NRK: variants seen among roughly 807,000 people sequenced by gnomAD.
NRK encodes the protein Nik related kinase.
A neutral mutation model predicts 125.2 loss-of-function variants in NRK; 67 were observed. The ratio of observed to expected loss-of-function variants is 0.54; its 90% CI spans 0.44 to 0.66. The LOEUF is 0.66. Ranked by LOEUF, NRK falls within the 30% of genes least tolerant of loss-of-function variation. The probability of loss-of-function intolerance (pLI) is 0.00; values close to 1 mark genes in which losing one functional copy is unlikely to be tolerated. For synonymous variants in NRK, 458 were observed against 429.0 expected (o/e 1.07, Z -0.84); for missense variants, 1,224 against 1,192.9 (o/e 1.03, Z -0.38).
In NRK at chrX:105,893,745, T is replaced by C; in HGVS notation, c.379-87T>C. 4 of 549,361 alleles carry C rather than the reference T, an allele frequency of 7.3e-6. No individual in the cohort carries two copies. In the South Asian group the frequency reaches 1.2e-4, roughly 16 times the overall value. 45.3% of individuals were successfully genotyped at this position (549,361 alleles called of 1,213,427 possible). ...TGCCTTAATCTCTAAACATTACATA[T>C]AGATACAAGCCATATGGACTAAAAC... is the stretch of plus-strand genomic sequence containing the variant. On this transcript the variant is annotated intron_variant, in intron 5 of 28. Coordinates refer to ENST00000243300, the MANE Select transcript of NRK (RefSeq NM_198465.4).
chrX:105,855,162 G>A (rs2039516751), intron 2 of NRK, among the ~76,000 whole-genome samples: 1 of 111,463 alleles, frequency 9.0e-6, no homozygotes, highest in Non-Finnish European at 1.9e-5. Context: ...GGGGAAGAGA[G>A]GGAAAGGGCC....
At position 105,892,156 on chromosome X, in the gene NRK, A is replaced by G. The variant is rs755448680; in HGVS notation, c.379-1676A>G. Among the ~76,000 whole-genome samples the G allele has an allele frequency of 5.4e-4, 60 of 111,864 alleles. 1 individual carries two copies. The highest frequency in any genetic ancestry group is 1.8e-3 in the African/African-American group (56 of 30,828). On this transcript the variant is annotated intron_variant, in intron 5 of 28. Coordinates refer to ENST00000243300, the MANE Select transcript of NRK (RefSeq NM_198465.4). ...TGCTCCTGACCCAGTGGTGCTTACA[A>G]TCTATTTGCAAAGACCAGCGTCAAT...
chrX:105,941,818 G>A (rs2040746718), intron 23 of NRK, among the ~76,000 whole-genome samples: 1 of 110,807 alleles, frequency 9.0e-6, no homozygotes, highest in African/African-American at 3.3e-5. Flanking sequence ...TGGGTTTTAG[G>A]AGGTCTATAG....
intron 19 of NRK, among the ~76,000 whole-genome samples, chrX:105,930,469 T>C (rs2040580566): frequency 9.0e-6 from 1 of 111,129 alleles, no homozygotes; most frequent in South Asian, 3.8e-4. Context: ...ATTCAGATCA[T>C]GATTTTTTAA....
intron 13 of NRK, among the ~76,000 whole-genome samples, chrX:105,910,166 T>G (rs1250834113): frequency 8.9e-6 from 1 of 112,153 alleles, no homozygotes; most frequent in Non-Finnish European, 1.9e-5. Flanking sequence ...GAATGCACAT[T>G]AAAAATTACT....
intron 14 of NRK, among the ~76,000 whole-genome samples, chrX:105,915,451 C>T (rs1411555896): frequency 9.0e-6 from 1 of 110,842 alleles, no homozygotes; most frequent in Non-Finnish European, 1.9e-5. Context: ...GTCATTTTCC[C>T]TCTTTAGGCT....
At chrX:105,828,442 G>A (rs1260717870) in intron 1 of NRK, among the ~76,000 whole-genome samples, 1 of 111,364 alleles carries the variant, frequency 9.0e-6, no homozygotes, top group Non-Finnish European at 1.9e-5. Flanking sequence ...AAGTATTTAT[G>A]TTATTGAGGA....
intron 6 of NRK, 61 bp from the exon 7 acceptor site, chrX:105,895,372 A>C: frequency 1.2e-6 from 1 of 864,311 alleles, no homozygotes; most frequent in Non-Finnish European, 1.7e-6. Flanking sequence ...CCAGAAAGAA[A>C]GAAAGAAAGA....
chrX:105,951,379 A>G (rs984787710), intron 27 of NRK, among the ~76,000 whole-genome samples: 1 of 111,259 alleles, frequency 9.0e-6, no homozygotes, highest in Non-Finnish European at 1.9e-5. Flanking sequence ...ACCTAAAACA[A>G]AAAAAAGCTA....
chrX:105,905,592 T>C (rs1419876292), intron 10 of NRK, among the ~76,000 whole-genome samples: 4 of 112,896 alleles, frequency 3.5e-5, no homozygotes, highest in African/African-American at 6.4e-5. Context: ...ATGGGCATGT[T>C]CAGTTGTTTC....
intron 2 of NRK, among the ~76,000 whole-genome samples, chrX:105,878,000 C>A (rs1470529205): frequency 9.0e-6 from 1 of 110,618 alleles, no homozygotes; most frequent in Admixed American, 9.7e-5. Context: ...TTTTTGATAA[C>A]CTGATAAATA....
Position 105,822,619 on chromosome X carries a change from G to A in NRK, c.-227G>A, listed in dbSNP as rs974331984. The A allele has an allele frequency of 3.3e-5, 15 of 450,373 alleles. No individual in the cohort carries two copies. The highest frequency in any genetic ancestry group is 4.7e-5 in the Non-Finnish European group (12 of 253,735). The allele number at this position is 450,373 out of a possible 1,213,427, so 37.1% of individuals were successfully genotyped here. A position where few individuals can be genotyped will look rare whatever the true frequency, so the allele number is the denominator to read the frequency against. On this transcript the variant is annotated 5_prime_UTR_variant, in exon 1 of 29. Transcript: ENST00000243300. Reference sequence around the variant, plus strand: ...ACGCTCAGGCTCCTCTCTCGCCTTAGCCCAACTTGCTTTCCCGCCTCGCAA... The same window carrying A: ...ACGCTCAGGCTCCTCTCTCGCCTTAACCCAACTTGCTTTCCCGCCTCGCAA...
chrX:105,935,913 T>G (rs1448957833), intron 21 of NRK, among the ~76,000 whole-genome samples: 1 of 109,663 alleles, frequency 9.1e-6, no homozygotes, highest in Non-Finnish European at 1.9e-5. Context: ...TGTGATACTT[T>G]ATGAGGTATT....
chrX:105,946,529 C>G, intron 26 of NRK, 65 bp downstream of exon 26: 1 of 814,162 alleles, frequency 1.2e-6, no homozygotes, highest in Non-Finnish European at 1.8e-6. Context: ...TTCCAACTGT[C>G]AAAACTCTGA....
At chrX:105,934,181 A>G (rs2040631094) in intron 19 of NRK, 77 bp from the exon 20 acceptor site, 2 of 568,584 alleles carry the variant, frequency 3.5e-6, no homozygotes, top group Non-Finnish European at 2.7e-6. Flanking sequence ...TGTTTTTCAA[A>G]CGACCCCTCA....
chrX:105,877,440 T>C (rs2039829126), intron 2 of NRK, among the ~76,000 whole-genome samples: 1 of 111,540 alleles, frequency 9.0e-6, no homozygotes, highest in African/African-American at 3.2e-5. Context: ...AATTTCTTCA[T>C]TTTGACAATT....
Position 105,923,413 on chromosome X carries a change from A to G in NRK, c.2906A>G (p.His969Arg). Residue 969 changes from histidine to arginine, a missense_variant, in exon 18 of 29, where the codon CAT becomes CGT. Coordinates refer to ENST00000243300, the MANE Select transcript of NRK (RefSeq NM_198465.4). ...CAGGCTAATGATGTTTGTAAAGACC[A>G]TGATGATGACAACAATAAGTTTGTT... ...VDQANDVCKD[H>R]DDDNNKFVDD... is the part of the protein sequence containing the mutation. 8.7e-7 allele frequency: 1 copy of G among 1,144,384 alleles called. No individual in the cohort carries two copies. The highest frequency in any genetic ancestry group is 1.2e-6 in the Non-Finnish European group (1 of 852,578). The allele number at this position is 1,144,384 out of a possible 1,213,427, so 94.3% of individuals were successfully genotyped here.
At chrX:105,848,509 C>A (rs1468558785) in intron 2 of NRK, among the ~76,000 whole-genome samples, 1 of 111,808 alleles carries the variant, frequency 8.9e-6, no homozygotes, top group East Asian at 2.8e-4. Context: ...TAATATTTTT[C>A]AAATCAGAAA....
rs1489081382 is a variant in NRK at position 105,934,288 on chromosome X, G to A, written c.3343G>A (p.Ala1115Thr). The A allele has an allele frequency of 1.7e-6, 2 of 1,177,593 alleles. No homozygotes were observed. Among genetic ancestry groups the A allele is most frequent in the Middle Eastern group, 2.3e-4 (1 of 4,263 alleles). ...AGGTGGTGGAAATGAGGCCTCAAAT[G>A]CCATTGACTCAGGTGCTGCACCGTC... ...EPGGGNEASN[A>T]IDSGAAPSAP... Residue 1115 changes from alanine to threonine, a missense_variant, in exon 20 of 29, where the codon GCC becomes ACC. Ala to Thr is a moderately conservative substitution (Grantham distance 58). Transcript: ENST00000243300.
Sources: gnomAD v4.1 joint callset for allele counts (sites outside exome capture counted in the v4.1 genomes callset) on GRCh38, gnomAD v4.1.1 for gene constraint, MANE v1.5 for transcripts, NCBI Gene and HGNC (gene_info 2026-07-23, HGNC 2026-07-21) for gene names.